Variants in DNAJC15 observed in about 807,000 individuals in gnomAD.
The protein encoded by DNAJC15 is DnaJ heat shock protein family (Hsp40) member C15.
In DNAJC15, 27 loss-of-function variants were observed where a neutral mutation model predicts 22.4. The observed-to-expected ratio is 1.20, with a 90% CI of 0.89 to 1.66. The LOEUF (loss-of-function observed/expected upper bound fraction) is 1.66, where lower values mean the gene tolerates loss of function less well. Ranked by LOEUF, DNAJC15 falls within the 40% of genes most tolerant of loss-of-function variation. The probability of loss-of-function intolerance (pLI) is 0.00; values close to 1 mark genes in which losing one functional copy is unlikely to be tolerated. For missense variants in DNAJC15, 208 were observed against 187.1 expected, an observed-to-expected ratio of 1.11 and a Z score of -0.65; for synonymous variants, 79 against 63.2, an observed-to-expected ratio of 1.25 and a Z score of -1.19.
intron 5 of DNAJC15, among the ~76,000 whole-genome samples, chr13:43,086,647 GC>G (rs2040690223): frequency 6.6e-6 from 1 of 152,076 alleles, no homozygotes; most frequent in Non-Finnish European, 1.5e-5. Flanking sequence ...TTTTCGCTAA[GC>G]ATCATCTCTG....
chr13:43,099,870 TATAAG>T lies in DNAJC15; in HGVS notation c.383-7304_383-7300del, dbSNP rs200542007. Among the ~76,000 whole-genome samples, 400 of 152,268 alleles carry T rather than the reference TATAAG, an allele frequency of 2.6e-3. 1 individual carries two copies. The highest frequency in any genetic ancestry group is 9.2e-3 in the African/African-American group (381 of 41,568). Reference sequence around the variant, plus strand: ...GTTTTAGTATCTTTGCATCCACACTTATAAGATATATTGATCAGTAGCTTTCTTAT... The same window carrying T: ...GTTTTAGTATCTTTGCATCCACACTTATATATTGATCAGTAGCTTTCTTAT... On this transcript the variant is annotated intron_variant, in intron 5 of 5. Coordinates refer to ENST00000379221, the MANE Select transcript of DNAJC15 (RefSeq NM_013238.3).
In DNAJC15 at chr13:43,108,157, AAC is replaced by A. The variant is rs903632161; in HGVS notation, c.*912_*913del. ...TTCAAAGGAAGAAAAGAATGTGTTA[AAC>A]ACTGCATGAGAGGAGGAATAAGTGG... is the stretch of plus-strand genomic sequence containing the variant. On this transcript the variant is annotated 3_prime_UTR_variant, in exon 6 of 6. Coordinates refer to ENST00000379221, the MANE Select transcript of DNAJC15 (RefSeq NM_013238.3). 10 of 152,634 alleles carry A rather than the reference AAC, an allele frequency of 6.6e-5. No individual in the cohort carries two copies. The highest frequency in any genetic ancestry group is 2.4e-4 in the African/African-American group (10 of 41,590). The allele number at this position is 152,634 out of a possible 1,614,324, so 9.5% of individuals were successfully genotyped here.
At chr13:43,049,236 C>G (rs2040492079) in intron 1 of DNAJC15, among the ~76,000 whole-genome samples, 1 of 152,184 alleles carries the variant, frequency 6.6e-6, no homozygotes, top group South Asian at 2.1e-4. Flanking sequence ...ATGCCTGATT[C>G]ACCATTTTAC....
rs760596428 is a variant in DNAJC15 at position 43,111,436 on chromosome 13, A to AT, written c.*4189dup. Reference sequence around the variant, plus strand: ...ACCCAGCAGCATCATTAGAAATAATATATTTTATTCATGTGCAGAAATCTT... The same window carrying AT: ...ACCCAGCAGCATCATTAGAAATAATATTATTTTATTCATGTGCAGAAATCTT... On this transcript the variant is annotated 3_prime_UTR_variant, in exon 6 of 6. Coordinates refer to ENST00000379221, the MANE Select transcript of DNAJC15 (RefSeq NM_013238.3). 12 of 152,224 alleles carry AT rather than the reference A, an allele frequency of 7.9e-5. No homozygotes were observed. The highest frequency in any genetic ancestry group is 1.5e-4 in the Non-Finnish European group (10 of 68,042). The allele number at this position is 152,224 out of a possible 1,614,324, so 9.4% of individuals were successfully genotyped here.
chr13:43,037,966 T>A (rs552511610), intron 1 of DNAJC15, among the ~76,000 whole-genome samples: 2 of 152,250 alleles, frequency 1.3e-5, no homozygotes, highest in Non-Finnish European at 2.9e-5. Context: ...ACTTAACATG[T>A]GGTTGCTAAA....
intron 1 of DNAJC15, among the ~76,000 whole-genome samples, chr13:43,040,281 A>C (rs1228218968): frequency 6.6e-6 from 1 of 152,162 alleles, no homozygotes; most frequent in African/African-American, 2.4e-5. Context: ...CTTCCTAACA[A>C]ATTCGTTTCA....
chr13:43,078,675 A>C lies in DNAJC15; in HGVS notation c.298A>C (p.Ile100Leu). ...QKMSRREAGL[I>L]LGVSPSAGKA... ...AATGAGTAGGCGAGAAGCTGGTCTT[A>C]TTTTAGGTGTAAGGTAGGTGTGCAG... Residue 100 changes from isoleucine (I) to leucine (L), a missense_variant, in exon 4 of 6, where the codon ATT (isoleucine) becomes CTT (leucine). Transcript: ENST00000379221. The C allele has an allele frequency of 6.2e-7, 1 of 1,613,604 alleles. No individual in the cohort carries two copies. Among genetic ancestry groups the C allele is most frequent in the East Asian group, 2.2e-5 (1 of 44,844 alleles).
chr13:43,045,042 G>T (rs1002428236), intron 1 of DNAJC15, among the ~76,000 whole-genome samples: 1 of 151,950 alleles, frequency 6.6e-6, no homozygotes, highest in Non-Finnish European at 1.5e-5. Context: ...TAGTCTTTAT[G>T]TTGACCATAT....
chr13:43,033,951 C>A (rs911752883), intron 1 of DNAJC15, among the ~76,000 whole-genome samples: 1 of 149,950 alleles, frequency 6.7e-6, no homozygotes, highest in African/African-American at 2.5e-5. Context: ...TTGCTTGATC[C>A]TGGGAGGCGG....
intron 5 of DNAJC15, among the ~76,000 whole-genome samples, chr13:43,088,839 G>C (rs1593328110): frequency 2.1e-5 from 3 of 144,146 alleles, no homozygotes; most frequent in Admixed American, 1.4e-4. Context: ...AATTAACTTG[G>C]TTTTTTTTTT....
At position 43,110,728 on chromosome 13, in the gene DNAJC15, CAA is replaced by C. The variant is rs981280405; in HGVS notation, c.*3481_*3482del. The stretch of plus-strand genomic sequence containing the variant: ...TCATGAATTATGAGCTCTCTGAGAG[CAA>C]GGATCATATCAGTCTTGTTTATTGT... On this transcript the variant is annotated 3_prime_UTR_variant, in exon 6 of 6. Transcript: ENST00000379221. 2.6e-4 allele frequency: 39 copies of C among 152,186 alleles called. No homozygotes were observed. Among genetic ancestry groups the C allele is most frequent in the African/African-American group, 9.2e-4 (38 of 41,504 alleles). 9.4% of individuals were successfully genotyped at this position (152,186 alleles called of 1,614,324 possible).
At chr13:43,082,183 G>GAA (rs68161393) in intron 4 of DNAJC15, among the ~76,000 whole-genome samples, 1 of 146,422 alleles carries the variant, frequency 6.8e-6, no homozygotes, top group East Asian at 2.0e-4. Context: ...CTCAGTAGTA[G>GAA]AAAAAAAAAA....
intron 1 of DNAJC15, among the ~76,000 whole-genome samples, chr13:43,029,261 AGT>A (rs2040394061): frequency 6.6e-6 from 1 of 152,230 alleles, no homozygotes; most frequent in Non-Finnish European, 1.5e-5. Context: ...AAGTTAAATA[AGT>A]ATTTGTTGAA....
intron 1 of DNAJC15, among the ~76,000 whole-genome samples, chr13:43,050,416 C>T (rs2040497424): frequency 6.6e-6 from 1 of 151,986 alleles, no homozygotes; most frequent in Non-Finnish European, 1.5e-5. Context: ...AGCAATCCTT[C>T]CACTTCAGGC....
At chr13:43,067,472 A>C (rs755058159) in intron 2 of DNAJC15, among the ~76,000 whole-genome samples, 1 of 152,224 alleles carries the variant, frequency 6.6e-6, no homozygotes, top group Non-Finnish European at 1.5e-5. Flanking sequence ...TAGAGTAGGC[A>C]TAGTTATGAA....
At chr13:43,098,305 G>A (rs557217567) in intron 5 of DNAJC15, among the ~76,000 whole-genome samples, 1 of 152,290 alleles carries the variant, frequency 6.6e-6, no homozygotes, top group East Asian at 1.9e-4. Context: ...GTAGAACAGG[G>A]TACTTTCTAG....
intron 1 of DNAJC15, among the ~76,000 whole-genome samples, chr13:43,062,112 A>G (rs180811897): frequency 6.6e-6 from 1 of 152,032 alleles, no homozygotes; most frequent in Non-Finnish European, 1.5e-5. Flanking sequence ...CAGAGGTGTG[A>G]CCATGGTTTA....
chr13:43,092,877 G>A (rs1372956815), intron 5 of DNAJC15, among the ~76,000 whole-genome samples: 1 of 152,174 alleles, frequency 6.6e-6, no homozygotes, highest in Non-Finnish European at 1.5e-5. Context: ...TCATGCTACT[G>A]TACTCCAACA....
At chr13:43,060,111 C>T (rs531552409) in intron 1 of DNAJC15, among the ~76,000 whole-genome samples, 24 of 152,234 alleles carry the variant, frequency 1.6e-4, no homozygotes, top group Non-Finnish European at 2.6e-4. Context: ...TTCCTGTCTT[C>T]TTATATTAAT....
Sources: allele counts gnomAD v4.1 joint callset (sites outside exome capture counted in the v4.1 genomes callset), GRCh38; gene constraint gnomAD v4.1.1; transcripts MANE v1.5; gene names NCBI Gene and HGNC (gene_info 2026-07-23, HGNC 2026-07-21).